The following B4GALNT3 variants were observed in gnomAD, a reference collection of about 807,000 sequenced individuals.
B4GALNT3 encodes beta-1,4-N-acetylgalactosaminyltransferase 3.
A neutral mutation model predicts 120.2 loss-of-function variants in B4GALNT3; 86 were observed. The ratio of observed to expected loss-of-function variants is 0.72; its 90% CI spans 0.60 to 0.86. The LOEUF (loss-of-function observed/expected upper bound fraction) is 0.86. Ranked by LOEUF, B4GALNT3 falls within the 40% of genes least tolerant of loss-of-function variation. The pLI is 0.00. For synonymous variants in B4GALNT3, 518 were observed against 510.4 expected, an observed-to-expected ratio of 1.01 and a Z score of -0.20; for missense variants, 1,167 against 1,298.9, an observed-to-expected ratio of 0.90 and a Z score of 1.56.
intron 3 of B4GALNT3, among the ~76,000 whole-genome samples, chr12:539,473 G>A (rs915601185): frequency 2.6e-5 from 4 of 151,182 alleles, no homozygotes; most frequent in African/African-American, 9.8e-5. Context: ...TGAGAAGGCA[G>A]TGTCTCTCTT....
At chr12:529,737 A>G (rs1218908863) in intron 1 of B4GALNT3, among the ~76,000 whole-genome samples, 2 of 149,438 alleles carry the variant, frequency 1.3e-5, no homozygotes, top group Admixed American at 1.3e-4. Flanking sequence ...GAGCAAAAGC[A>G]ATACATCCTG....
intron 14 of B4GALNT3, among the ~76,000 whole-genome samples, chr12:555,053 C>T (rs1947136195): frequency 6.6e-6 from 1 of 151,888 alleles, no homozygotes; most frequent in South Asian, 2.1e-4. Context: ...TGGCATGCAC[C>T]TGTATCCCCA....
chr12:536,696 A>G (rs1009658602), intron 3 of B4GALNT3, among the ~76,000 whole-genome samples: 6 of 152,162 alleles, frequency 3.9e-5, no homozygotes, highest in African/African-American at 9.7e-5. Context: ...GGTTGATTCA[A>G]TTTCTCTCTT....
intron 1 of B4GALNT3, among the ~76,000 whole-genome samples, chr12:515,977 A>ACACACAC (rs1555155734): frequency 2.0e-5 from 3 of 151,540 alleles, no homozygotes; most frequent in Non-Finnish European, 2.9e-5. Context: ...CTCTACTAAA[A>ACACACAC]ACACACACAC....
intron 1 of B4GALNT3, among the ~76,000 whole-genome samples, chr12:511,426 C>T (rs1351023889): frequency 1.0e-5 from 1 of 98,316 alleles, no homozygotes; most frequent in African/African-American, 4.9e-5. Flanking sequence ...TTCCACCTTC[C>T]ACCTTCTTCC....
chr12:554,516 C>T (rs60169320), intron 14 of B4GALNT3, among the ~76,000 whole-genome samples: 17,153 of 152,020 alleles, frequency 0.11, 1,301 homozygotes, highest in Admixed American at 0.24. Flanking sequence ...ACAGGCTGGG[C>T]GCGGTGGCTC....
intron 5 of B4GALNT3, 194 bp from the exon 6 acceptor site, chr12:545,175 C>G: frequency 6.9e-7 from 1 of 1,443,360 alleles, no homozygotes; most frequent in Non-Finnish European, 9.1e-7. Context: ...AGCCTGGAAC[C>G]AGCTCATCTC....
intron 14 of B4GALNT3, among the ~76,000 whole-genome samples, chr12:555,797 T>TC (rs1434979778): frequency 6.6e-6 from 1 of 152,012 alleles, no homozygotes; most frequent in Non-Finnish European, 1.5e-5. Context: ...ATTTATTTTT[T>TC]TTTTTGAGAC....
rs779550879 is a variant in B4GALNT3, at chr12:549,935, G to T, written c.997+23G>T. On this transcript the variant is annotated intron_variant, in intron 10 of 19. Coordinates refer to ENST00000266383, the MANE Select transcript of B4GALNT3 (RefSeq NM_173593.4). ...GAGGTAAGGCCTCGGCCAGCGCTTG[G>T]CGTCCTTTCTGGGGACACTGCACTG... 8 of 1,591,382 alleles carry T rather than the reference G, an allele frequency of 5.0e-6. No homozygotes were observed. In the Admixed American group the frequency reaches 1.2e-4, roughly 25 times the overall value.
At chr12:551,816 C>G (rs1947086240) in intron 11 of B4GALNT3, among the ~76,000 whole-genome samples, 2 of 151,922 alleles carry the variant, frequency 1.3e-5, no homozygotes, top group African/African-American at 4.8e-5. Flanking sequence ...AGATGTGGAC[C>G]AGGGGCTTGA....
chr12:476,994 C>G (rs931481202), intron 1 of B4GALNT3, among the ~76,000 whole-genome samples: 3 of 152,214 alleles, frequency 2.0e-5, no homozygotes, highest in Admixed American at 6.5e-5. Flanking sequence ...CAGGCAGTCA[C>G]TACAAATTGA....
In B4GALNT3 at chr12:559,735, C is replaced by T. The variant is rs539513441; in HGVS notation, c.2888+314C>T. Among the ~76,000 whole-genome samples, 130 of 152,192 alleles carry T rather than the reference C, an allele frequency of 8.5e-4. 2 individuals are homozygous for T. In the South Asian group the frequency reaches 9.8e-3, roughly 11 times the overall value. ...ATGTTCTCAGCACCAAGCAGGGCAC[C>T]GTGGGAGAGACTGCATCCTCCCCAG... On this transcript the variant is annotated intron_variant, in intron 19 of 19. Coordinates refer to ENST00000266383, the MANE Select transcript of B4GALNT3 (RefSeq NM_173593.4).
intron 14 of B4GALNT3, 143 bp from the exon 15 acceptor site, chr12:556,404 C>T: frequency 1.4e-6 from 1 of 732,338 alleles, no homozygotes; most frequent in Admixed American, 2.8e-5. Flanking sequence ...CGAATCTTGC[C>T]TGAGGCCCTA....
intron 1 of B4GALNT3, among the ~76,000 whole-genome samples, chr12:496,365 C>A (rs772722811): frequency 6.6e-6 from 1 of 152,006 alleles, no homozygotes; most frequent in Non-Finnish European, 1.5e-5. Context: ...TTTGGGAGGC[C>A]GAGGTGGGCA....
At position 553,222 on chromosome 12, in the gene B4GALNT3, C is replaced by A. The variant is rs942474890; in HGVS notation, c.1299C>A (p.Ser433=). 1 of 1,613,296 alleles carries A rather than the reference C, an allele frequency of 6.2e-7. No homozygotes were observed. The highest frequency in any genetic ancestry group is 1.7e-5 in the Admixed American group (1 of 60,008). ...PGFEENLLEE[S]QYGEVAEETP... is the part of the protein sequence containing the mutation. ...TTGAGGAAAACCTTCTAGAAGAGTC[C>A]CAGTATGGGGAAGTGGCAGAGGAGA... Residue 433 remains serine (S), a synonymous_variant, in exon 14 of 20, where the codon TCC becomes TCA. Transcript: ENST00000266383.
rs149646335 is a variant in B4GALNT3 at position 525,318 on chromosome 12, A to C, written c.170-9848A>C. Among the ~76,000 whole-genome samples, 57 of 152,270 alleles carry C rather than the reference A, an allele frequency of 3.7e-4. 1 individual carries two copies. The East Asian group carries it at 0.011, about 29-fold the overall frequency. ...GAGATGGGGTTTCACCATGTTGGTC[A>C]GGCTGGTCTCGAACTCCTGACCTCA... On this transcript the variant is annotated intron_variant, in intron 1 of 19. Transcript: ENST00000266383.
chr12:478,850 A>G (rs935216525), intron 1 of B4GALNT3, among the ~76,000 whole-genome samples: 10 of 152,340 alleles, frequency 6.6e-5, no homozygotes, highest in South Asian at 2.1e-4. Flanking sequence ...GGTTACCTTC[A>G]GGATCAGAGG....
intron 1 of B4GALNT3, among the ~76,000 whole-genome samples, chr12:508,788 C>T (rs1946520619): frequency 6.6e-6 from 1 of 152,236 alleles, no homozygotes; most frequent in South Asian, 2.1e-4. Flanking sequence ...AGACTTACCA[C>T]TTCAGCCGAA....
intron 1 of B4GALNT3, among the ~76,000 whole-genome samples, chr12:508,965 G>GC (rs1946522231): frequency 6.6e-6 from 1 of 152,204 alleles, no homozygotes; most frequent in South Asian, 2.1e-4. Flanking sequence ...GGACAGAGGC[G>GC]CATACCTTTA....
Sources: gnomAD v4.1 joint callset for allele counts (sites outside exome capture counted in the v4.1 genomes callset) on GRCh38, gnomAD v4.1.1 for gene constraint, MANE v1.5 for transcripts, NCBI Gene and HGNC (gene_info 2026-07-23, HGNC 2026-07-21) for gene names.